ATP2B3: variants seen among roughly 807,000 people sequenced by gnomAD.
ATP2B3 encodes plasma membrane calcium-transporting ATPase 3.
Under a neutral mutation model 70.8 loss-of-function variants are expected in ATP2B3, and 12 were observed. The observed-to-expected ratio is 0.17, with a 90% CI of 0.11 to 0.27. The LOEUF (loss-of-function observed/expected upper bound fraction) is 0.27, where lower values mean the gene tolerates loss of function less well. ATP2B3 is among the 10% of genes least tolerant of loss of function. ATP2B3 has a pLI of 1.00. For synonymous variants in ATP2B3, 460 were observed against 497.8 expected (o/e 0.92, Z 1.01); for missense variants, 858 against 1,118.5 (o/e 0.77, Z 3.32).
intron 2 of ATP2B3, among the ~76,000 whole-genome samples, chrX:153,519,216 G>A (rs1258551313): frequency 3.6e-5 from 4 of 112,503 alleles, no homozygotes; most frequent in African/African-American, 1.3e-4. Context: ...GAACAGGAGA[G>A]GCAAGGCCTG....
chrX:153,526,325 G>A (rs1447430166), intron 2 of ATP2B3, among the ~76,000 whole-genome samples: 3 of 111,200 alleles, frequency 2.7e-5, no homozygotes, highest in African/African-American at 9.8e-5. Context: ...GGGAGGGTAG[G>A]GGGAGCTGAT....
chrX:153,549,913 G>A (rs1306128286), intron 11 of ATP2B3, 132 bp from the exon 12 acceptor site: 7 of 1,095,945 alleles, frequency 6.4e-6, no homozygotes, highest in Admixed American at 2.9e-5. Flanking sequence ...AGCTAAGGCC[G>A]ACCTTCCTCT....
Position 153,580,301 on chromosome X carries a change from A to G in ATP2B3, c.*3A>G. 2 of 1,202,163 alleles carry G rather than the reference A, an allele frequency of 1.7e-6. No homozygotes were observed. Among genetic ancestry groups the G allele is most frequent in the Non-Finnish European group, 2.3e-6 (2 of 888,252 alleles). ...ACAGCGTGGAGACGTCCCTCTAACA[A>G]GAACTTGTCTCAGCACATGCGCACA... is the stretch of plus-strand genomic sequence containing the variant. On this transcript the variant is annotated 3_prime_UTR_variant, in exon 22 of 22. Transcript: ENST00000263519.
chrX:153,571,800 T>C (rs1222832423), intron 21 of ATP2B3, among the ~76,000 whole-genome samples: 1 of 112,578 alleles, frequency 8.9e-6, no homozygotes, highest in Non-Finnish European at 1.9e-5. Flanking sequence ...TTGCACACTG[T>C]GTGCTCCAGC....
At chrX:153,547,665 T>A (rs1259735605) in intron 8 of ATP2B3, among the ~76,000 whole-genome samples, 170 bp from the exon 9 acceptor site, 1 of 110,999 alleles carries the variant, frequency 9.0e-6, no homozygotes, top group Non-Finnish European at 1.9e-5. Flanking sequence ...CAAGAGGGCC[T>A]GGGCTTAGGA....
chrX:153,523,794 C>T (rs1018940735), intron 2 of ATP2B3, among the ~76,000 whole-genome samples: 10 of 103,503 alleles, frequency 9.7e-5, no homozygotes, highest in African/African-American at 2.9e-4. Flanking sequence ...CTCCAGGGTT[C>T]GAGCCATTCT....
rs190462862 is a variant in ATP2B3 at position 153,578,701 on chromosome X, T to C, written c.3343-1277T>C. Among the ~76,000 whole-genome samples, 806 of 112,300 alleles carry C rather than the reference T, an allele frequency of 7.2e-3. 5 individuals are homozygous for C. Among genetic ancestry groups the C allele is most frequent in the African/African-American group, 0.022 (675 of 30,914 alleles). ...AGCGGGAGCTCTTTCATGCGGGAAG[T>C]TCCGCTGATCTGAGGTCTGCAAACT... On this transcript the variant is annotated intron_variant, in intron 21 of 21. Coordinates refer to ENST00000263519, the MANE Select transcript of ATP2B3 (RefSeq NM_001001344.3).
intron 21 of ATP2B3, among the ~76,000 whole-genome samples, chrX:153,574,582 G>C (rs893180204): frequency 9.0e-6 from 1 of 111,661 alleles, no homozygotes; most frequent in Non-Finnish European, 1.9e-5. Flanking sequence ...GAGTGAGAAG[G>C]TGTCAGGCAC....
chrX:153,550,374 A>G (rs376823102), intron 12 of ATP2B3, 88 bp downstream of exon 12: 1 of 1,158,949 alleles, frequency 8.6e-7, no homozygotes, highest in Non-Finnish European at 1.2e-6. Context: ...AAAATTCACC[A>G]TTTCAACCAC....
At chrX:153,534,974 A>G (rs1028241260) in intron 2 of ATP2B3, among the ~76,000 whole-genome samples, 2 of 112,740 alleles carry the variant, frequency 1.8e-5, no homozygotes, top group African/African-American at 6.4e-5. Flanking sequence ...GAGCTTCCCC[A>G]GAGACGGGGG....
chrX:153,569,877 T>C (rs2090763226), intron 21 of ATP2B3: 1 of 823,197 alleles, frequency 1.2e-6, no homozygotes, highest in African/African-American at 2.0e-5. Context: ...TTCTGTTCTT[T>C]CTTTACCGCC....
intron 3 of ATP2B3, 65 bp downstream of exon 3, chrX:153,536,520 G>A: frequency 2.7e-6 from 3 of 1,117,598 alleles, no homozygotes; most frequent in Non-Finnish European, 3.6e-6. Flanking sequence ...GCGACCTGAA[G>A]GCATCCTTAG....
intron 20 of ATP2B3, among the ~76,000 whole-genome samples, chrX:153,563,275 G>A (rs1331074090): frequency 9.4e-6 from 1 of 106,569 alleles, no homozygotes; most frequent in Non-Finnish European, 1.9e-5. Context: ...CCAAGCAGCT[G>A]GGACCACAGG....
At chrX:153,544,767 TCTC>T (rs1223051377) in intron 7 of ATP2B3, among the ~76,000 whole-genome samples, 2 of 112,229 alleles carry the variant, frequency 1.8e-5, no homozygotes, top group African/African-American at 3.2e-5. Flanking sequence ...CAAGTGTGCT[TCTC>T]CTCCTCACCT....
intron 10 of ATP2B3, 106 bp downstream of exon 10, chrX:153,548,960 T>C: frequency 1.2e-6 from 1 of 813,243 alleles, no homozygotes; most frequent in Non-Finnish European, 1.7e-6. Flanking sequence ...TTGGGATAGC[T>C]CAAGGGAGGA....
At chrX:153,552,955 C>A in intron 12 of ATP2B3, 80 bp from the exon 13 acceptor site, 6 of 885,668 alleles carry the variant, frequency 6.8e-6, no homozygotes, top group Non-Finnish European at 9.7e-6. Flanking sequence ...CTTGACTAAG[C>A]CCCCAATCCA....
In ATP2B3 at chrX:153,580,106, G is replaced by A. The variant is rs151263291; in HGVS notation, c.3471G>A (p.Pro1157=). ...FLINDYTHNI[P]LIDDTDVDEN... is the part of the protein sequence containing the mutation. ...TCAATGACTACACCCACAACATCCC[G>A]CTCATTGACGACACGGACGTGGACG... Residue 1157 remains proline (P), a synonymous_variant, in exon 22 of 22, where the codon CCG becomes CCA. Coordinates refer to ENST00000263519, the MANE Select transcript of ATP2B3 (RefSeq NM_001001344.3). The A allele has an allele frequency of 5.1e-4, 622 of 1,210,485 alleles. 6 individuals are homozygous for A. In the East Asian group the frequency reaches 0.016, roughly 32 times the overall value.
chrX:153,520,298 C>T (rs2089940796), intron 2 of ATP2B3, among the ~76,000 whole-genome samples: 1 of 112,566 alleles, frequency 8.9e-6, no homozygotes. Flanking sequence ...ATGAGGGCGC[C>T]CCAGAGCCCC....
chrX:153,526,075 G>A (rs114744004), intron 2 of ATP2B3, among the ~76,000 whole-genome samples: 9,004 of 112,427 alleles, frequency 0.08, 616 homozygotes, highest in African/African-American at 0.23. Flanking sequence ...ATCGTGGGAG[G>A]GGGTATCTGA....
Sources: allele counts gnomAD v4.1 joint callset (sites outside exome capture counted in the v4.1 genomes callset), GRCh38; gene constraint gnomAD v4.1.1; transcripts MANE v1.5; gene names NCBI Gene and HGNC (gene_info 2026-07-23, HGNC 2026-07-21).